Variants in STK3 observed in about 807,000 individuals in gnomAD.
STK3 encodes serine/threonine kinase 3.
In STK3, 41 loss-of-function variants were observed where a neutral mutation model predicts 58.0. The ratio of observed to expected loss-of-function variants is 0.71; its 90% CI spans 0.55 to 0.92. The LOEUF (loss-of-function observed/expected upper bound fraction) is 0.92, where lower values mean the gene tolerates loss of function less well. STK3 is among the 40% of genes least tolerant of loss of function. The pLI, the probability that STK3 is intolerant of heterozygous loss-of-function variation, is 0.00. For synonymous variants in STK3, 170 were observed against 191.0 expected (o/e 0.89, Z 0.91); for missense variants, 479 against 602.7 (o/e 0.79, Z 2.15).
intron 6 of STK3, among the ~76,000 whole-genome samples, chr8:98,661,800 C>A (rs757543633): frequency 5.9e-5 from 9 of 152,096 alleles, no homozygotes; most frequent in Non-Finnish European, 2.9e-5. Context: ...TACATGCTTA[C>A]CTTCTCTGAT....
In STK3 at chr8:98,428,869, T is replaced by C. The variant is rs1293532424; in HGVS notation, n.483+5258A>G. ...AACTTGGGCAGGGTGGCCCAGGTCC[T>C]GAGGCTGATGCGGATCTTCCGCATC... On this transcript the variant is annotated intron_variant and non_coding_transcript_variant, in intron 3 of 3. Transcript: ENST00000517832. The surrounding 1 kb of genome is among the most constrained non-coding windows in gnomAD (Gnocchi z 6.7). 1.9e-6 allele frequency: 3 copies of C among 1,614,088 alleles called. No individual in the cohort carries two copies. Among genetic ancestry groups the C allele is most frequent in the East Asian group, 2.2e-5 (1 of 44,888 alleles).
At chr8:98,732,928 A>G (rs141475508) in intron 4 of STK3, among the ~76,000 whole-genome samples, 2 of 152,356 alleles carry the variant, frequency 1.3e-5, no homozygotes, top group East Asian at 1.9e-4. Flanking sequence ...TAACAACATG[A>G]TCCTAACATA....
At position 98,546,902 on chromosome 8, in the gene STK3, T is replaced by C. The variant is rs72666637; in HGVS notation, c.1141+1067A>G. On this transcript the variant is annotated intron_variant, in intron 9 of 10. Transcript: ENST00000419617. The stretch of plus-strand genomic sequence containing the variant: ...AAGTACATATGCAACCATAGTGGGC[T>C]ACACAGAACTAGGGAATGTGAAGAA... 5.6e-3 allele frequency among the ~76,000 whole-genome samples: 854 copies of C among 152,232 alleles called. 4 individuals carry two copies. Among genetic ancestry groups the C allele is most frequent in the Non-Finnish European group, 9.2e-3 (625 of 68,012 alleles).
intron 6 of STK3, among the ~76,000 whole-genome samples, chr8:98,624,539 A>AG (rs1818568255): frequency 6.6e-6 from 1 of 152,162 alleles, no homozygotes; most frequent in Non-Finnish European, 1.5e-5. Flanking sequence ...AAAAAAGAGA[A>AG]GGAAAAAAAG....
Position 98,940,834 on chromosome 8 carries a change from C to G in STK3, c.-79+1544G>C, listed in dbSNP as rs889537594. ...GGTCCGAAAAATCCGTCTCAGAAACCCACCAGGAGAAAAGGCTCTGGGGTG... is the reference window on the plus strand; with the variant it reads ...GGTCCGAAAAATCCGTCTCAGAAACGCACCAGGAGAAAAGGCTCTGGGGTG... On this transcript the variant is annotated intron_variant, in intron 1 of 1. Coordinates refer to the STK3 transcript ENST00000519420. 2.0e-5 allele frequency among the ~76,000 whole-genome samples: 3 copies of G among 152,350 alleles called. No homozygotes were observed. The South Asian group carries it at 6.2e-4, about 32-fold the overall frequency.
chr8:98,427,848 G>A, intron 3 of STK3: 1 of 704,140 alleles, frequency 1.4e-6, no homozygotes, highest in Non-Finnish European at 2.3e-6. Flanking sequence ...AGACCCACCA[G>A]GAGGCCTGGG....
At chr8:98,424,671 AG>A (rs1818208338) in intron 3 of STK3, among the ~76,000 whole-genome samples, 1 of 152,238 alleles carries the variant, frequency 6.6e-6, no homozygotes, top group Non-Finnish European at 1.5e-5. Context: ...AGACAGGAAC[AG>A]AAGGAGGCGG....
chr8:98,535,387 G>A (rs985912729), intron 9 of STK3, among the ~76,000 whole-genome samples: 5 of 151,772 alleles, frequency 3.3e-5, no homozygotes, highest in African/African-American at 1.2e-4. Context: ...ACAGCACTCT[G>A]TGACCTATGT....
intron 1 of STK3, among the ~76,000 whole-genome samples, chr8:98,821,151 C>T (rs565882728): frequency 1.3e-5 from 2 of 152,258 alleles, no homozygotes; most frequent in Admixed American, 6.5e-5. Flanking sequence ...GAGCTATACG[C>T]GAGCATTACC....
At chr8:98,451,884 C>T (rs1819214142), downstream of STK3, among the ~76,000 whole-genome samples, 1 of 115,824 alleles carries the variant, frequency 8.6e-6, no homozygotes, top group African/African-American at 3.1e-5. Context: ...GTCTTTCAGG[C>T]CAAAAAAAAA....
chr8:98,349,256 T>C, the STK3 span, among the ~76,000 whole-genome samples: 24 of 152,018 alleles, frequency 1.6e-4, no homozygotes, highest in Non-Finnish European at 3.2e-4. Flanking sequence ...GAGGGAGAGA[T>C]GAAAAGGAGA....
At chr8:98,875,186 T>A (rs1837523995) in intron 3 of STK3, 1 of 152,192 alleles carries the variant, frequency 6.6e-6, no homozygotes. Flanking sequence ...GTGGAAATAT[T>A]CAGTTGTTTT....
chr8:98,824,126 T>C (rs560461621), intron 1 of STK3, among the ~76,000 whole-genome samples: 43 of 152,384 alleles, frequency 2.8e-4, no homozygotes, highest in Non-Finnish European at 5.4e-4. Context: ...CAGGGATTGC[T>C]GTCACATATC....
intron 6 of STK3, among the ~76,000 whole-genome samples, chr8:98,647,268 T>C (rs559788807): frequency 6.6e-6 from 1 of 152,310 alleles, no homozygotes; most frequent in African/African-American, 2.4e-5. Context: ...CTGAACACCA[T>C]ATTTAAAATC....
At chr8:98,524,276 A>G (rs576459890) in intron 10 of STK3, among the ~76,000 whole-genome samples, 113 of 152,370 alleles carry the variant, frequency 7.4e-4, no homozygotes, top group Middle Eastern at 3.4e-3. Flanking sequence ...TTTTGAAATC[A>G]GGAAACATGA....
intron 6 of STK3, among the ~76,000 whole-genome samples, chr8:98,700,294 A>C (rs1001398779): frequency 6.6e-5 from 10 of 152,158 alleles, no homozygotes; most frequent in African/African-American, 2.4e-4. Flanking sequence ...TAGGAAAGGG[A>C]ACTCCCTGAC....
intron 4 of STK3, among the ~76,000 whole-genome samples, chr8:98,738,359 G>A (rs1407623808): frequency 6.6e-6 from 1 of 152,076 alleles, no homozygotes; most frequent in Non-Finnish European, 1.5e-5. Context: ...TATAATCCCA[G>A]CTACTAGGGA....
At chr8:98,907,562 G>A (rs1210250938) in intron 1 of STK3, among the ~76,000 whole-genome samples, 1 of 152,058 alleles carries the variant, frequency 6.6e-6, no homozygotes, top group South Asian at 2.1e-4. Context: ...TCAACTCATG[G>A]CCAATGTTTC....
At chr8:98,601,384 CCAA>C (rs1816334865) in intron 6 of STK3, 1 of 152,050 alleles carries the variant, frequency 6.6e-6, no homozygotes, top group Non-Finnish European at 1.5e-5. Flanking sequence ...TTAATACAAT[CCAA>C]CAATATCATA....
Sources: allele counts gnomAD v4.1 joint callset (sites outside exome capture counted in the v4.1 genomes callset), GRCh38; gene constraint gnomAD v4.1.1; non-coding constraint Gnocchi (gnomAD v3.1); transcripts MANE v1.5; gene names NCBI Gene and HGNC (gene_info 2026-07-23, HGNC 2026-07-21).